ANK3: variants seen among roughly 807,000 people sequenced by gnomAD.
ANK3 encodes ankyrin-3.
ANK3 carries 57 observed loss-of-function variants against 370.9 expected under a neutral mutation model. That is an observed-to-expected ratio of 0.15 (90% CI 0.12 to 0.19). The LOEUF is 0.19. Among genes scored for constraint, ANK3 ranks in the 10% least tolerant of loss-of-function variants. The probability of loss-of-function intolerance (pLI) is 1.00; values close to 1 mark genes in which losing one functional copy is unlikely to be tolerated. For synonymous variants in ANK3, 1,929 were observed against 1,946.3 expected, an observed-to-expected ratio of 0.99 and a Z score of 0.23; for missense variants, 4,439 against 5,302.1, an observed-to-expected ratio of 0.84 and a Z score of 5.06.
chr10:60,217,100 T>C (rs2096951305), intron 8 of ANK3, among the ~76,000 whole-genome samples: 1 of 152,170 alleles, frequency 6.6e-6, no homozygotes, highest in Non-Finnish European at 1.5e-5. Context: ...TTCTGTGAGG[T>C]CAGTGGTGAT....
chr10:60,095,903 G>A (rs145644870), intron 28 of ANK3, among the ~76,000 whole-genome samples: 172 of 152,324 alleles, frequency 1.1e-3, no homozygotes, highest in African/African-American at 4.0e-3. Flanking sequence ...GCCGGGTACA[G>A]TGGCTCATGC....
intron 25 of ANK3, among the ~76,000 whole-genome samples, chr10:60,130,471 G>C (rs999004803): frequency 6.6e-6 from 1 of 152,076 alleles, no homozygotes; most frequent in Admixed American, 6.6e-5. Context: ...AATTTAACTG[G>C]GCAATGACAG....
intron 7 of ANK3, among the ~76,000 whole-genome samples, chr10:60,253,332 A>G (rs2097693855): frequency 6.6e-6 from 1 of 152,168 alleles, no homozygotes; most frequent in Non-Finnish European, 1.5e-5. Flanking sequence ...TACAGCCAAG[A>G]TAAGAGTCCA....
chr10:60,501,705 C>CAAAAAAAAAAAA (rs376934079), intron 2 of ANK3, among the ~76,000 whole-genome samples: 5 of 79,748 alleles, frequency 6.3e-5, no homozygotes, highest in Admixed American at 1.3e-4. Context: ...GACTCTGTCT[C>CAAAAAAAAAAAA]AAAAAAAAAA....
rs978864174 is a variant in ANK3 at position 60,456,688 on chromosome 10, C to T, written c.96+158498G>A. ...GCTCTAGCACCATTCATTCTTGACC[C>T]TCATCAGCCAAAATCAACTCAGTCT... On this transcript the variant is annotated intron_variant, in intron 2 of 43. Transcript: ENST00000373827. 9.0e-4 allele frequency among the ~76,000 whole-genome samples: 137 copies of T among 152,124 alleles called. 3 individuals are homozygous for T. Among genetic ancestry groups the T allele is most frequent in the Non-Finnish European group, 5.7e-4 (39 of 68,010 alleles).
At chr10:60,576,352 G>A (rs1595308420) in intron 2 of ANK3, among the ~76,000 whole-genome samples, 1 of 152,312 alleles carries the variant, frequency 6.6e-6, no homozygotes, top group East Asian at 1.9e-4. Context: ...GCCAACTGAA[G>A]TCTCGTAGAA....
At chr10:60,525,569 A>C (rs992499396) in intron 2 of ANK3, among the ~76,000 whole-genome samples, 10 of 152,138 alleles carry the variant, frequency 6.6e-5, no homozygotes, top group Non-Finnish European at 1.5e-5. Context: ...GTTACCAAGG[A>C]AATAAGAGAC....
intron 1 of ANK3, among the ~76,000 whole-genome samples, chr10:60,322,481 A>G (rs2048877569): frequency 1.3e-5 from 2 of 151,812 alleles, no homozygotes; most frequent in South Asian, 4.1e-4. Flanking sequence ...AAATAAAAAT[A>G]AAAAATATAT....
chr10:60,550,984 T>C (rs963433303), intron 2 of ANK3, among the ~76,000 whole-genome samples: 1 of 152,126 alleles, frequency 6.6e-6, no homozygotes, highest in African/African-American at 2.4e-5. Flanking sequence ...TAGTGTATCC[T>C]TATCAAGGAT....
At position 60,068,968 on chromosome 10, in the gene ANK3, A is replaced by AGTGGTGGTC; in HGVS notation, c.11912_11913insGACCACCAC (p.Thr3976_Thr3978dup). 1 of 1,612,778 alleles carries AGTGGTGGTC rather than the reference A, an allele frequency of 6.2e-7. No individual in the cohort carries two copies. The highest frequency in any genetic ancestry group is 1.7e-5 in the Admixed American group (1 of 59,906). Reference sequence around the variant, plus strand: ...AGCTGGTGGTGGTGGTAGTGGTGGTAGTGGTGGTGGTGGTGGCAGTGGTGG... The same window carrying AGTGGTGGTC: ...AGCTGGTGGTGGTGGTAGTGGTGGTAGTGGTGGTCGTGGTGGTGGTGGTGGCAGTGGTGG... On this transcript the variant is annotated inframe_insertion, in exon 37 of 44. Transcript: ENST00000280772.
intron 42 of ANK3, among the ~76,000 whole-genome samples, chr10:60,048,560 T>C (rs1420314738): frequency 6.6e-6 from 1 of 152,218 alleles, no homozygotes; most frequent in East Asian, 1.9e-4. Context: ...TATTTGCATA[T>C]AAGCTACACA....
intron 2 of ANK3, among the ~76,000 whole-genome samples, chr10:60,493,948 T>A (rs2133127486): frequency 6.6e-6 from 1 of 152,216 alleles, no homozygotes; most frequent in South Asian, 2.1e-4. Context: ...CTACAAATGA[T>A]CAGAACATAT....
intron 2 of ANK3, among the ~76,000 whole-genome samples, chr10:60,445,485 TA>T (rs72114286): frequency 0.19 from 27,961 of 148,056 alleles, 2,769 homozygotes; most frequent in South Asian, 0.31. Context: ...AATAGTGATT[TA>T]AAAAAAAAAA....
rs199792393 is a variant in ANK3 at position 60,076,010 on chromosome 10, G to A, written c.4871C>T (p.Thr1624Ile). 2 of 1,614,100 alleles carry A rather than the reference G, an allele frequency of 1.2e-6. No homozygotes were observed. The highest frequency in any genetic ancestry group is 1.3e-5 in the African/African-American group (1 of 74,948). The stretch of plus-strand genomic sequence containing the variant: ...AGACCCTGCTGTAGTCACTGGAGAG[G>A]TTCGAGAGGAAAACGTAGAATTGGA... Reference protein sequence around the residue: ...LASNSTFSSRTSPVTTAGSLL... With the variant: ...LASNSTFSSRISPVTTAGSLL... Residue 1624 changes from threonine (T) to isoleucine (I), a missense_variant, in exon 37 of 44, where the codon ACC (threonine) becomes ATC (isoleucine). This residue lies in a region of ANK3 where 679 missense variants were observed against 791.0 expected (regional missense o/e 0.86). Coordinates refer to ENST00000280772, the MANE Select transcript of ANK3 (RefSeq NM_020987.5).
chr10:60,439,804 G>T (rs1309026013), intron 2 of ANK3, among the ~76,000 whole-genome samples: 3 of 152,174 alleles, frequency 2.0e-5, no homozygotes, highest in Non-Finnish European at 4.4e-5. Flanking sequence ...TGCTTCCAAT[G>T]ACATCTGAAG....
intron 7 of ANK3, 91 bp from the exon 8 acceptor site, chr10:60,234,877 C>T (rs958503582): frequency 2.6e-6 from 2 of 760,380 alleles, no homozygotes; most frequent in Non-Finnish European, 4.6e-6. Flanking sequence ...CCCCATTTCC[C>T]CCTCTCCTTT....
intron 1 of ANK3, among the ~76,000 whole-genome samples, chr10:60,716,325 A>G (rs555725329): frequency 3.5e-4 from 53 of 152,298 alleles, no homozygotes; most frequent in African/African-American, 1.2e-3. Context: ...CTTCTCATAA[A>G]TAAAAGCAAG....
chr10:60,540,404 A>AT (rs1471611300), intron 2 of ANK3, among the ~76,000 whole-genome samples: 1 of 151,882 alleles, frequency 6.6e-6, no homozygotes, highest in Non-Finnish European at 1.5e-5. Context: ...GATCCATGAA[A>AT]TTCATCTGGA....
intron 7 of ANK3, among the ~76,000 whole-genome samples, chr10:60,259,322 C>T (rs1156665586): frequency 6.6e-6 from 1 of 152,174 alleles, no homozygotes; most frequent in Non-Finnish European, 1.5e-5. Context: ...GAATATGCAA[C>T]AGCCCAAGCC....
Sources: allele counts gnomAD v4.1 joint callset (sites outside exome capture counted in the v4.1 genomes callset), GRCh38; gene constraint gnomAD v4.1.1; regional missense constraint gnomAD v4.1.1; transcripts MANE v1.5; gene names NCBI Gene and HGNC (gene_info 2026-07-23, HGNC 2026-07-21).